Variants in WDR37 observed in about 807,000 individuals in gnomAD.
WDR37 encodes the protein WD repeat-containing protein 37.
Under a neutral mutation model 62.9 loss-of-function variants are expected in WDR37, and 19 were observed. That is an observed-to-expected ratio of 0.30 (90% CI 0.21 to 0.44). The LOEUF is 0.44. WDR37 is among the 20% of genes least tolerant of loss of function. The pLI is 1.00. For missense variants in WDR37, 474 were observed against 657.6 expected (o/e 0.72, Z 3.05); for synonymous variants, 250 against 260.9 (o/e 0.96, Z 0.40).
chr10:1,125,883 G>C (rs11250275), intron 13 of WDR37, among the ~76,000 whole-genome samples: 2 of 152,162 alleles, frequency 1.3e-5, no homozygotes, highest in Admixed American at 6.5e-5. Flanking sequence ...GGAGTTTCTC[G>C]CTATGTGCTG....
At chr10:1,122,434 C>T (rs1835615560) in intron 11 of WDR37, among the ~76,000 whole-genome samples, 1 of 152,140 alleles carries the variant, frequency 6.6e-6, no homozygotes, top group African/African-American at 2.4e-5. Flanking sequence ...AAGGCACTGC[C>T]CCTGCGTCTC....
intron 13 of WDR37, among the ~76,000 whole-genome samples, chr10:1,125,938 G>C (rs1050488565): frequency 3.9e-5 from 6 of 152,206 alleles, no homozygotes; most frequent in Admixed American, 6.5e-5. Flanking sequence ...AAAGAGAATC[G>C]AGACTCCATG....
At chr10:1,069,385 ATATATTTTTT>A (rs1307583031) in intron 1 of WDR37, among the ~76,000 whole-genome samples, 3 of 28,458 alleles carry the variant, frequency 1.1e-4, no homozygotes, top group East Asian at 1.1e-3. Context: ...ATATATATAT[ATATATTTTTT>A]TTTTTTTTTT....
chr10:1,128,740 C>T lies in WDR37; in HGVS notation c.1354-473C>T, dbSNP rs1185302182. ...CTTTTGGGCGGGTTCCACCAACCCTCGTGCTCACTGGTGTCTCGGCATCAC... is the reference window on the plus strand; with the variant it reads ...CTTTTGGGCGGGTTCCACCAACCCTTGTGCTCACTGGTGTCTCGGCATCAC... On this transcript the variant is annotated intron_variant, in intron 13 of 13. Transcript: ENST00000263150. Among the ~76,000 whole-genome samples the T allele has an allele frequency of 2.0e-5, 3 of 152,342 alleles. No individual in the cohort carries two copies. The East Asian group carries it at 5.8e-4, about 29-fold the overall frequency.
In WDR37 at chr10:1,129,473, T is replaced by C; in HGVS notation, c.*129T>C. 6.7e-6 allele frequency: 9 copies of C among 1,333,962 alleles called. No homozygotes were observed. The highest frequency in any genetic ancestry group is 9.2e-6 in the Non-Finnish European group (9 of 979,514). 82.6% of individuals were successfully genotyped at this position (1,333,962 alleles called of 1,614,324 possible). A position where few individuals can be genotyped will look rare whatever the true frequency, so the allele number is the denominator to read the frequency against. On this transcript the variant is annotated 3_prime_UTR_variant, in exon 14 of 14. Transcript: ENST00000263150. ...GAAAGGGTGCTTTGTATATGTTCTT[T>C]TCACATAGTGCCCAGCTTGCATGAA...
chr10:1,101,965 C>A (rs1157552609), intron 9 of WDR37, among the ~76,000 whole-genome samples: 2 of 152,218 alleles, frequency 1.3e-5, no homozygotes, highest in Non-Finnish European at 2.9e-5. Flanking sequence ...TGCTCTGCAT[C>A]CATGTGATAT....
At chr10:1,080,590 T>C in intron 5 of WDR37, 114 bp downstream of exon 5, 1 of 1,273,724 alleles carries the variant, frequency 7.9e-7, no homozygotes, top group Admixed American at 2.4e-5. Flanking sequence ...ATAAATGGTT[T>C]TAAGGGAAAT....
intron 11 of WDR37, chr10:1,123,957 A>G (rs1336164156): frequency 9.1e-6 from 4 of 441,022 alleles, no homozygotes; most frequent in Non-Finnish European, 1.6e-5. Context: ...ACTTTCTGTA[A>G]CCTCTCTTCG....
At chr10:1,079,736 A>C (rs184674250) in intron 3 of WDR37, among the ~76,000 whole-genome samples, 1 of 152,168 alleles carries the variant, frequency 6.6e-6, no homozygotes, top group East Asian at 1.9e-4. Context: ...CCTGTTGGTC[A>C]GGCTGGTCTC....
At chr10:1,063,978 G>C (rs778599739) in intron 1 of WDR37, among the ~76,000 whole-genome samples, 1 of 152,184 alleles carries the variant, frequency 6.6e-6, no homozygotes. Context: ...AAAGACCACT[G>C]ATGCCAACGT....
chr10:1,084,854 G>A lies in WDR37; in HGVS notation c.532+316G>A, dbSNP rs139577228. Among the ~76,000 whole-genome samples, 447 of 152,356 alleles carry A rather than the reference G, an allele frequency of 2.9e-3. 4 individuals carry two copies. Among genetic ancestry groups the A allele is most frequent in the African/African-American group, 0.01 (422 of 41,592 alleles). On this transcript the variant is annotated intron_variant, in intron 6 of 13. Coordinates refer to ENST00000263150, the MANE Select transcript of WDR37 (RefSeq NM_014023.4). ...TGCACCCTGTCTTTTCCAGGTCCCC[G>A]TGGGTAGGGCGTTGCAACTCACAGT...
chr10:1,105,058 T>A lies in WDR37; in HGVS notation c.962-68T>A. On this transcript the variant is annotated intron_variant, in intron 10 of 13. Coordinates refer to ENST00000263150, the MANE Select transcript of WDR37 (RefSeq NM_014023.4). The surrounding 1 kb of genome is among the most constrained non-coding windows in gnomAD (Gnocchi z 5.3). ...GAGACGGCTTCTTGGGTTCTTGTGC[T>A]GTTGAAAAGCGTCTCTCTCAGCGTG... 1.9e-6 allele frequency: 3 copies of A among 1,577,192 alleles called. No individual in the cohort carries two copies. The highest frequency in any genetic ancestry group is 2.6e-6 in the Non-Finnish European group (3 of 1,153,448).
intron 1 of WDR37, among the ~76,000 whole-genome samples, chr10:1,070,505 G>A (rs1476221033): frequency 1.3e-5 from 2 of 151,990 alleles, no homozygotes; most frequent in Non-Finnish European, 1.5e-5. Context: ...AAAATGCTAC[G>A]ACTTCCTTGA....
intron 2 of WDR37, among the ~76,000 whole-genome samples, chr10:1,077,016 A>G (rs1463813872): frequency 6.6e-6 from 1 of 151,768 alleles, no homozygotes; most frequent in Non-Finnish European, 1.5e-5. Context: ...AAAAAAAAAA[A>G]GGTAAGTATT....
chr10:1,070,761 C>G (rs1443791612), intron 1 of WDR37, among the ~76,000 whole-genome samples: 5 of 152,150 alleles, frequency 3.3e-5, no homozygotes, highest in Non-Finnish European at 7.3e-5. Context: ...ATACTCTCTT[C>G]TATGTGTAGA....
At chr10:1,078,306 A>G (rs1833937758) in intron 3 of WDR37, among the ~76,000 whole-genome samples, 2 of 152,366 alleles carry the variant, frequency 1.3e-5, no homozygotes, top group East Asian at 1.9e-4. Context: ...TTTTTTATTA[A>G]TATACCATCA....
chr10:1,082,688 A>G (rs1834066222), intron 5 of WDR37, among the ~76,000 whole-genome samples: 1 of 152,162 alleles, frequency 6.6e-6, no homozygotes, highest in African/African-American at 2.4e-5. Context: ...AAGGTAATAG[A>G]TGGTCAAAGT....
chr10:1,117,329 C>T (rs1835432961), intron 11 of WDR37, among the ~76,000 whole-genome samples: 1 of 152,236 alleles, frequency 6.6e-6, no homozygotes, highest in African/African-American at 2.4e-5. Context: ...GCTGGGATTA[C>T]AGGCATGACC....
At chr10:1,096,122 T>C (rs1305698793) in intron 8 of WDR37, 48 bp from the exon 9 acceptor site, 7 of 1,597,554 alleles carry the variant, frequency 4.4e-6, no homozygotes, top group Non-Finnish European at 6.0e-6. Context: ...AGAGCGCATT[T>C]TACCATGGTC....
Sources: allele counts gnomAD v4.1 joint callset (sites outside exome capture counted in the v4.1 genomes callset), GRCh38; gene constraint gnomAD v4.1.1; non-coding constraint Gnocchi (gnomAD v3.1); transcripts MANE v1.5; gene names NCBI Gene and HGNC (gene_info 2026-07-23, HGNC 2026-07-21).